The following UBE2C variants were observed in gnomAD, a reference collection of about 807,000 sequenced individuals.
The protein encoded by UBE2C is ubiquitin-conjugating enzyme E2 C.
In UBE2C, 16 loss-of-function variants were observed where a neutral mutation model predicts 23.5. The observed-to-expected ratio is 0.68, with a 90% CI of 0.46 to 1.03. The LOEUF (loss-of-function observed/expected upper bound fraction) is 1.03. UBE2C is among the 50% of genes least tolerant of loss of function. The pLI is 0.00. For missense variants in UBE2C, 192 were observed against 227.6 expected (o/e 0.84, Z 1.01); for synonymous variants, 76 against 91.6 (o/e 0.83, Z 0.97).
intron 5 of UBE2C, among the ~76,000 whole-genome samples, chr20:45,816,391 T>C (rs1044851473): frequency 2.6e-5 from 4 of 152,186 alleles, no homozygotes; most frequent in East Asian, 1.9e-4. Flanking sequence ...ATCCTAGCAC[T>C]TGGGGAGGCC....
Position 45,816,894 on chromosome 20 carries a change from T to A in UBE2C, c.*127T>A. The A allele has an allele frequency of 1.3e-6, 1 of 789,602 alleles. No individual in the cohort carries two copies. The highest frequency in any genetic ancestry group is 2.0e-6 in the Non-Finnish European group (1 of 509,048). The allele number at this position is 789,602 out of a possible 1,614,324, so 48.9% of individuals were successfully genotyped here. Reference sequence around the variant, plus strand: ...GTATTTTTGTTTTGTTTTTGTCTTTTAAATTAAGCCTCGGTTGAGCCCTTG... The same window carrying A: ...GTATTTTTGTTTTGTTTTTGTCTTTAAAATTAAGCCTCGGTTGAGCCCTTG... On this transcript the variant is annotated 3_prime_UTR_variant, in exon 6 of 6. Coordinates refer to ENST00000356455, the MANE Select transcript of UBE2C (RefSeq NM_007019.4).
At chr20:45,815,070 C>A (rs1288790207) in intron 3 of UBE2C, among the ~76,000 whole-genome samples, 3 of 151,896 alleles carry the variant, frequency 2.0e-5, no homozygotes, top group African/African-American at 7.2e-5. Context: ...ATCTCCTGAC[C>A]TCAAGATCCA....
At position 45,815,846 on chromosome 20, in the gene UBE2C, A is replaced by G. The variant is rs113759260; in HGVS notation, c.422-8A>G. ...CCGCCTTGACCTTCTCTTTCTCTCC[A>G]CCCACAGAACCCAACATTGATAGTC... is the stretch of plus-strand genomic sequence containing the variant. On this transcript the variant is annotated splice_polypyrimidine_tract_variant and splice_region_variant and intron_variant, in intron 4 of 5. Coordinates refer to ENST00000356455, the MANE Select transcript of UBE2C (RefSeq NM_007019.4). 3.0e-5 allele frequency: 48 copies of G among 1,613,568 alleles called. 2 individuals carry two copies. In the African/African-American group the frequency reaches 3.6e-4, roughly 12 times the overall value.
In UBE2C at chr20:45,816,911, G is replaced by A; in HGVS notation, c.*144G>A. ...TTGTCTTTTAAATTAAGCCTCGGTT[G>A]AGCCCTTGTATATTAAATAAATGCA... On this transcript the variant is annotated 3_prime_UTR_variant, in exon 6 of 6. Transcript: ENST00000356455. The A allele has an allele frequency of 1.5e-6, 1 of 650,554 alleles. No homozygotes were observed. The allele number at this position is 650,554 out of a possible 1,614,324, so 40.3% of individuals were successfully genotyped here.
At position 45,815,845 on chromosome 20, in the gene UBE2C, C is replaced by A. The variant is rs1982488437; in HGVS notation, c.422-9C>A. The A allele has an allele frequency of 1.2e-6, 2 of 1,614,082 alleles. No homozygotes were observed. The highest frequency in any genetic ancestry group is 4.5e-5 in the East Asian group (2 of 44,876). ...ACCGCCTTGACCTTCTCTTTCTCTCCACCCACAGAACCCAACATTGATAGT... is the reference window on the plus strand; with the variant it reads ...ACCGCCTTGACCTTCTCTTTCTCTCAACCCACAGAACCCAACATTGATAGT... On this transcript the variant is annotated splice_polypyrimidine_tract_variant and intron_variant, in intron 4 of 5. Transcript: ENST00000356455.
chr20:45,813,457 C>A lies in UBE2C; in HGVS notation c.122C>A (p.Thr41Asn), dbSNP rs1423586972. 2 of 1,613,998 alleles carry A rather than the reference C, an allele frequency of 1.2e-6. No homozygotes were observed. Among genetic ancestry groups the A allele is most frequent in the African/African-American group, 1.3e-5 (1 of 74,900 alleles). The change falls in exon 2 of 6, where the codon ACC becomes AAC. Residue 41 changes from threonine to asparagine, a missense_variant. Transcript: ENST00000356455. ...TTCAGGCTACAGCAGGAGCTGATGA[C>A]CCTCATGGTGAGTGATTAAGTGCCC... ...VGKRLQQELMTLMMSGDKGIS... is the reference protein window; with the variant it reads ...VGKRLQQELMNLMMSGDKGIS...
intron 3 of UBE2C, among the ~76,000 whole-genome samples, chr20:45,815,105 G>A (rs1292978162): frequency 1.3e-5 from 2 of 151,918 alleles, no homozygotes; most frequent in African/African-American, 2.4e-5. Context: ...CCAAAGTGCT[G>A]GGATTACAGG....
rs756556863 is a variant in UBE2C at position 45,815,524 on chromosome 20, G to A, written c.217-17G>A. The stretch of plus-strand genomic sequence containing the variant: ...TGCTGCTGGAGCTTACTCTGCAACT[G>A]TTTCTCCAAATGCCAGGTATATGAA... On this transcript the variant is annotated splice_polypyrimidine_tract_variant and intron_variant, in intron 3 of 5. Coordinates refer to ENST00000356455, the MANE Select transcript of UBE2C (RefSeq NM_007019.4). 9.9e-6 allele frequency: 16 copies of A among 1,614,100 alleles called. No homozygotes were observed. The highest frequency in any genetic ancestry group is 1.2e-5 in the Non-Finnish European group (14 of 1,180,024).
chr20:45,816,632 A>G, intron 5 of UBE2C, 77 bp from the exon 6 acceptor site: 1 of 1,358,326 alleles, frequency 7.4e-7, no homozygotes, highest in Non-Finnish European at 1.0e-6. Context: ...GTGAGACTCC[A>G]TCTCAAAAAT....
intron 4 of UBE2C, 36 bp downstream of exon 4, chr20:45,815,781 T>C: frequency 6.2e-7 from 1 of 1,612,378 alleles, no homozygotes; most frequent in South Asian, 1.1e-5. Context: ...TCCATGCAAC[T>C]TGGGAACCTG....
At chr20:45,814,249 T>C (rs1177439203) in intron 2 of UBE2C, 135 bp from the exon 3 acceptor site, 1 of 363,706 alleles carries the variant, frequency 2.7e-6, no homozygotes, top group Non-Finnish European at 4.8e-6. Flanking sequence ...TATACATATA[T>C]ATGTGTGTGT....
Position 45,813,417 on chromosome 20 carries a change from C to T in UBE2C, c.102-20C>T, listed in dbSNP as rs1425254653. ...TGGCCCATCCAGACTCCCAGGTAAC[C>T]CCGAATACTCTTTTTTCAGGCTACA... On this transcript the variant is annotated intron_variant, in intron 1 of 5. Coordinates refer to ENST00000356455, the MANE Select transcript of UBE2C (RefSeq NM_007019.4). 2 of 1,614,096 alleles carry T rather than the reference C, an allele frequency of 1.2e-6. No individual in the cohort carries two copies. The highest frequency in any genetic ancestry group is 1.7e-5 in the Admixed American group (1 of 60,010).
rs1283781500 is a variant in UBE2C, at chr20:45,813,469, G to A, written c.129+5G>A. 6.2e-7 allele frequency: 1 copy of A among 1,614,044 alleles called. No homozygotes were observed. Among genetic ancestry groups the A allele is most frequent in the Non-Finnish European group, 8.5e-7 (1 of 1,180,040 alleles). ...CAGGAGCTGATGACCCTCATGGTGA[G>A]TGATTAAGTGCCCAGAACCCCAGCC... is the stretch of plus-strand genomic sequence containing the variant. On this transcript the variant is annotated splice_donor_5th_base_variant and intron_variant, in intron 2 of 5. Transcript: ENST00000356455.
chr20:45,816,291 T>C (rs914713309), intron 5 of UBE2C, among the ~76,000 whole-genome samples: 1 of 152,122 alleles, frequency 6.6e-6, no homozygotes, highest in Non-Finnish European at 1.5e-5. Context: ...CAGCCCCTCC[T>C]CCACCTCCTC....
At chr20:45,814,020 A>G (rs1163975498) in intron 2 of UBE2C, among the ~76,000 whole-genome samples, 1 of 151,706 alleles carries the variant, frequency 6.6e-6, no homozygotes, top group African/African-American at 2.4e-5. Flanking sequence ...CACAAGAATC[A>G]TTTGAACCGT....
chr20:45,812,974 G>A (rs1982065996), intron 1 of UBE2C, 178 bp downstream of exon 1: 1 of 1,431,968 alleles, frequency 7.0e-7, no homozygotes, highest in East Asian at 2.5e-5. Flanking sequence ...TGTCGAGGGC[G>A]GAGACTTCCG....
chr20:45,812,929 A>G (rs1210741442), intron 1 of UBE2C, 133 bp downstream of exon 1: 1 of 1,433,134 alleles, frequency 7.0e-7, no homozygotes, highest in Admixed American at 2.8e-5. Context: ...AGAACACACC[A>G]GGAGCTCGGG....
chr20:45,814,184 A>C (rs1170050219), intron 2 of UBE2C, among the ~76,000 whole-genome samples, 200 bp from the exon 3 acceptor site: 2 of 149,776 alleles, frequency 1.3e-5, no homozygotes, highest in African/African-American at 2.5e-5. Context: ...TTTTTAGTAG[A>C]GATGGCATAA....
chr20:45,814,120 C>A (rs1027874891), intron 2 of UBE2C, among the ~76,000 whole-genome samples: 2 of 106,864 alleles, frequency 1.9e-5, no homozygotes, highest in East Asian at 4.7e-4. Context: ...GTCTATCTCT[C>A]TCTCTCAATC....
Sources: allele counts gnomAD v4.1 joint callset (sites outside exome capture counted in the v4.1 genomes callset), GRCh38; gene constraint gnomAD v4.1.1; transcripts MANE v1.5; gene names NCBI Gene and HGNC (gene_info 2026-07-23, HGNC 2026-07-21).